TTC39B: variants seen among roughly 807,000 people sequenced by gnomAD.
TTC39B encodes tetratricopeptide repeat protein 39B.
In TTC39B, 92 loss-of-function variants were observed where a neutral mutation model predicts 96.6. That is an observed-to-expected ratio of 0.95 (90% CI 0.80 to 1.13). The LOEUF is 1.13. Ranked by LOEUF, TTC39B falls within the 50% of genes most tolerant of loss-of-function variation. The probability of loss-of-function intolerance (pLI) is 0.00; values close to 1 mark genes in which losing one functional copy is unlikely to be tolerated. For missense variants in TTC39B, 955 were observed against 809.3 expected (o/e 1.18, Z -2.18); for synonymous variants, 367 against 299.4 (o/e 1.23, Z -2.33).
intron 2 of TTC39B, among the ~76,000 whole-genome samples, chr9:15,236,191 C>T (rs534585618): frequency 6.6e-5 from 10 of 152,084 alleles, no homozygotes; most frequent in East Asian, 1.9e-4. Context: ...GTAAAACAGA[C>T]ATAAACCAAC....
At chr9:15,210,934 T>C (rs890589545) in intron 5 of TTC39B, among the ~76,000 whole-genome samples, 1 of 152,208 alleles carries the variant, frequency 6.6e-6, no homozygotes, top group African/African-American at 2.4e-5. Context: ...TGAATTTGCA[T>C]CTCCCACTTA....
Position 15,281,934 on chromosome 9 carries a change from T to C in TTC39B, c.241-13986A>G, listed in dbSNP as rs546116618. Among the ~76,000 whole-genome samples, 7 of 152,240 alleles carry C rather than the reference T, an allele frequency of 4.6e-5. No individual in the cohort carries two copies. In the East Asian group the frequency reaches 1.3e-3, roughly 29 times the overall value. On this transcript the variant is annotated intron_variant, in intron 1 of 19. Coordinates refer to ENST00000512701, the Ensembl canonical transcript of TTC39B. ...CTCAAGTGATCCACCCACCTCAGCC[T>C]CCCAAAGTGTTGAGATTACAGGCAT...
intron 2 of TTC39B, among the ~76,000 whole-genome samples, chr9:15,244,457 C>A (rs1207652544): frequency 1.3e-5 from 2 of 152,228 alleles, no homozygotes; most frequent in African/African-American, 4.8e-5. Flanking sequence ...GCAGCAATAA[C>A]AACACCTGCC....
At chr9:15,192,082 T>C (rs1818889459) in intron 9 of TTC39B, among the ~76,000 whole-genome samples, 1 of 152,242 alleles carries the variant, frequency 6.6e-6, no homozygotes, top group Non-Finnish European at 1.5e-5. Context: ...TAGTGGCACA[T>C]TCACTCATGT....
intron 16 of TTC39B, chr9:15,183,311 T>C (rs1239420945): frequency 7.1e-6 from 3 of 422,638 alleles, no homozygotes; most frequent in Non-Finnish European, 9.2e-6. Flanking sequence ...TTGCTGCTAA[T>C]AGAGCAAGAG....
chr9:15,165,454 T>C (rs530396159), exon 20 of TTC39B: 1 of 152,348 alleles, frequency 6.6e-6, no homozygotes, highest in African/African-American at 2.4e-5. Flanking sequence ...TCTACATGAT[T>C]TCCAAAGCAA....
Position 15,292,098 on chromosome 9 carries a change from G to A in TTC39B, c.240+14986C>T, listed in dbSNP as rs576521306. On this transcript the variant is annotated intron_variant, in intron 1 of 19. Coordinates refer to ENST00000512701, the Ensembl canonical transcript of TTC39B. ...TTTTGTAAGTACATTCATAAGGCTA[G>A]AATTTTACAGACAGGAAAGAATCAT... 8.5e-5 allele frequency among the ~76,000 whole-genome samples: 13 copies of A among 152,298 alleles called. No homozygotes were observed. In the South Asian group the frequency reaches 1.7e-3, roughly 19 times the overall value.
At chr9:15,209,559 T>G (rs1051085431) in intron 6 of TTC39B, among the ~76,000 whole-genome samples, 1 of 152,218 alleles carries the variant, frequency 6.6e-6, no homozygotes, top group African/African-American at 2.4e-5. Context: ...CTATAAATAT[T>G]GTAAGTTTTC....
chr9:15,286,559 T>C (rs1225856521), intron 1 of TTC39B, among the ~76,000 whole-genome samples: 1 of 152,228 alleles, frequency 6.6e-6, no homozygotes, highest in African/African-American at 2.4e-5. Flanking sequence ...GCATAGTTAC[T>C]GTATTTGTCT....
At chr9:15,199,763 A>AAAAAAAAAAC (rs1564337943) in intron 8 of TTC39B, 98 bp downstream of exon 8, 3 of 402,434 alleles carry the variant, frequency 7.5e-6, no homozygotes, top group African/African-American at 6.8e-5. Flanking sequence ...AAAAAAAAAA[A>AAAAAAAAAAC]AAAAATCCTA....
At chr9:15,183,813 G>A (rs1818376808) in intron 16 of TTC39B, among the ~76,000 whole-genome samples, 1 of 152,198 alleles carries the variant, frequency 6.6e-6, no homozygotes, top group Non-Finnish European at 1.5e-5. Context: ...GATTTACACA[G>A]TGTTCTTGTT....
chr9:15,187,790 A>C (rs533195752), intron 14 of TTC39B, among the ~76,000 whole-genome samples, 181 bp downstream of exon 14: 1 of 152,342 alleles, frequency 6.6e-6, no homozygotes, highest in Non-Finnish European at 1.5e-5. Context: ...CTTTTAAAGC[A>C]TGCAATGCTG....
intron 1 of TTC39B, among the ~76,000 whole-genome samples, chr9:15,279,107 G>A (rs888207527): frequency 2.7e-4 from 41 of 152,178 alleles, no homozygotes; most frequent in Non-Finnish European, 5.9e-5. Context: ...AATGCACTTA[G>A]CACAGTATCA....
chr9:15,267,673 C>A (rs912280), intron 2 of TTC39B, among the ~76,000 whole-genome samples: 40,412 of 152,072 alleles, frequency 0.27, 10,205 homozygotes, highest in African/African-American at 0.67. Context: ...TAAACAAATA[C>A]TTTGTTGAGA....
chr9:15,281,156 A>T (rs986781279), intron 1 of TTC39B, among the ~76,000 whole-genome samples: 1 of 151,876 alleles, frequency 6.6e-6, no homozygotes, highest in Non-Finnish European at 1.5e-5. Flanking sequence ...CTCTTTCTAA[A>T]CTAAAAGGAA....
intron 2 of TTC39B, among the ~76,000 whole-genome samples, chr9:15,247,138 G>GT (rs1303127040): frequency 6.6e-6 from 1 of 152,220 alleles, no homozygotes; most frequent in Non-Finnish European, 1.5e-5. Flanking sequence ...CATGAAATAT[G>GT]TCACAGGAGA....
At chr9:15,307,053 G>C (rs1351187909) in intron 1 of TTC39B, 31 bp downstream of exon 1, 13 of 1,604,820 alleles carry the variant, frequency 8.1e-6, no homozygotes, top group Non-Finnish European at 1.0e-5. Flanking sequence ...GGGCTTCAGG[G>C]GCCGGGCCCG....
At chr9:15,219,658 T>C (rs1251396087) in intron 3 of TTC39B, among the ~76,000 whole-genome samples, 2 of 152,194 alleles carry the variant, frequency 1.3e-5, no homozygotes, top group African/African-American at 4.8e-5. Flanking sequence ...ACTAGATGAA[T>C]GCTCCTGGAC....
At chr9:15,172,216 A>C in intron 19 of TTC39B, 107 bp from the exon 20 acceptor site, 10 of 706,394 alleles carry the variant, frequency 1.4e-5, no homozygotes, top group East Asian at 6.1e-5. Context: ...TCAAACTCTA[A>C]TATACATAAC....
Sources: gnomAD v4.1 joint callset for allele counts (sites outside exome capture counted in the v4.1 genomes callset) on GRCh38, gnomAD v4.1.1 for gene constraint, MANE v1.5 for transcripts, NCBI Gene and HGNC (gene_info 2026-07-23, HGNC 2026-07-21) for gene names.